The following HDLBP variants were observed in gnomAD, a reference collection of about 807,000 sequenced individuals.
The protein encoded by HDLBP is high density lipoprotein binding protein, also known as vigilin.
HDLBP carries 30 observed loss-of-function variants against 137.3 expected under a neutral mutation model. The ratio of observed to expected loss-of-function variants is 0.22; its 90% CI spans 0.16 to 0.30. The LOEUF is 0.30. Ranked by LOEUF, HDLBP falls within the 10% of genes least tolerant of loss-of-function variation. The probability of loss-of-function intolerance (pLI) is 1.00; values close to 1 mark genes in which losing one functional copy is unlikely to be tolerated. For synonymous variants in HDLBP, 606 were observed against 596.0 expected, an observed-to-expected ratio of 1.02 and a Z score of -0.24; for missense variants, 1,119 against 1,667.3, an observed-to-expected ratio of 0.67 and a Z score of 5.73.
intron 2 of HDLBP, 145 bp downstream of exon 2, chr2:241,268,332 A>T: frequency 3.2e-6 from 1 of 308,796 alleles, no homozygotes; most frequent in Non-Finnish European, 4.7e-6. Flanking sequence ...GAAGCTATGG[A>T]GACATCTCTG....
intron 12 of HDLBP, chr2:241,249,455 C>A: frequency 6.2e-6 from 3 of 484,800 alleles, no homozygotes; most frequent in South Asian, 4.6e-5. Flanking sequence ...GAGCAACAGC[C>A]CCCACTTCAG....
At chr2:241,236,410 C>T (rs768856644) in intron 21 of HDLBP, 13 of 597,988 alleles carry the variant, frequency 2.2e-5, no homozygotes, top group South Asian at 4.0e-5. Context: ...TATAGAACCC[C>T]GAGCCTTGGT....
At chr2:241,250,029 C>T (rs962506038) in intron 11 of HDLBP, 49 bp from the exon 12 acceptor site, 2 of 1,547,362 alleles carry the variant, frequency 1.3e-6, no homozygotes, top group Non-Finnish European at 1.7e-6. Context: ...CAACAACATT[C>T]TGCCAATGAC....
At chr2:241,259,032 A>G (rs2149499702) in intron 5 of HDLBP, among the ~76,000 whole-genome samples, 1 of 152,346 alleles carries the variant, frequency 6.6e-6, no homozygotes, top group Middle Eastern at 3.4e-3. Flanking sequence ...TGCTACTGTA[A>G]CATAATTTGT....
Position 241,242,714 on chromosome 2 carries a change from A to G in HDLBP, c.1951-36T>C, listed in dbSNP as rs763197207. 1.9e-5 allele frequency: 29 copies of G among 1,562,262 alleles called. 1 individual carries two copies. In the South Asian group the frequency reaches 3.3e-4, roughly 18 times the overall value. On this transcript the variant is annotated intron_variant, in intron 16 of 27. Transcript: ENST00000310931. ...ACACAGGGCAGGAGGAGGAAGTCACATTTTTGTGGCAAAAAGGGCAGAGGA... is the reference window on the plus strand; with the variant it reads ...ACACAGGGCAGGAGGAGGAAGTCACGTTTTTGTGGCAAAAAGGGCAGAGGA...
intron 20 of HDLBP, 140 bp from the exon 21 acceptor site, chr2:241,236,909 G>A: frequency 1.3e-6 from 1 of 776,370 alleles, no homozygotes; most frequent in Non-Finnish European, 2.0e-6. Flanking sequence ...CCTTCAGGAG[G>A]TCTTGGTCTG....
intron 1 of HDLBP, chr2:241,269,535 A>G (rs1337851319): frequency 6.6e-6 from 1 of 152,178 alleles, no homozygotes; most frequent in Non-Finnish European, 1.5e-5. Flanking sequence ...AAAACTCTAA[A>G]TACAGGGCTT....
intron 22 of HDLBP, 105 bp from the exon 23 acceptor site, chr2:241,235,360 G>C: frequency 6.5e-7 from 1 of 1,545,234 alleles, no homozygotes; most frequent in Non-Finnish European, 8.9e-7. Context: ...CACCCGCCGT[G>C]AAGGGAAGTC....
At chr2:241,302,296 G>T (rs148568883) in intron 1 of HDLBP, among the ~76,000 whole-genome samples, 3 of 152,164 alleles carry the variant, frequency 2.0e-5, no homozygotes, top group African/African-American at 7.2e-5. Flanking sequence ...GTTCACACCT[G>T]TAATCCCAGC....
At chr2:241,315,152 CT>C (rs1274672174) in intron 1 of HDLBP, 4 of 152,276 alleles carry the variant, frequency 2.6e-5, no homozygotes, top group Admixed American at 6.5e-5. Flanking sequence ...CAGCTCCGCC[CT>C]CCCCCGCGGG....
At chr2:241,300,029 G>A (rs760495514) in intron 1 of HDLBP, among the ~76,000 whole-genome samples, 1 of 152,308 alleles carries the variant, frequency 6.6e-6, no homozygotes, top group Middle Eastern at 3.4e-3. Flanking sequence ...CGATTCTAAA[G>A]TCTGTCACCC....
chr2:241,306,534 C>T (rs1462104157), intron 1 of HDLBP, among the ~76,000 whole-genome samples: 1 of 152,108 alleles, frequency 6.6e-6, no homozygotes, highest in South Asian at 2.1e-4. Context: ...GCTGGGACTA[C>T]AGGCGTGAGC....
intron 21 of HDLBP, chr2:241,235,998 A>C: frequency 5.0e-6 from 1 of 199,872 alleles, no homozygotes; most frequent in Non-Finnish European, 1.0e-5. Context: ...GGCTTTGGCT[A>C]ATGCCCACGA....
intron 4 of HDLBP, among the ~76,000 whole-genome samples, chr2:241,263,716 T>C (rs373195604): frequency 1.3e-5 from 2 of 152,010 alleles, no homozygotes; most frequent in African/African-American, 4.8e-5. Context: ...CTCACTAACA[T>C]CTCAAATTCA....
At chr2:241,280,591 A>G (rs563221380) in intron 1 of HDLBP, among the ~76,000 whole-genome samples, 1 of 152,324 alleles carries the variant, frequency 6.6e-6, no homozygotes, top group South Asian at 2.1e-4. Context: ...ATTTCTAGGT[A>G]AGGTGAAAAT....
rs774153181 is a variant in HDLBP, at chr2:241,230,730, C to G, written c.3474+29G>C. 5 of 1,606,854 alleles carry G rather than the reference C, an allele frequency of 3.1e-6. No homozygotes were observed. Among genetic ancestry groups the G allele is most frequent in the South Asian group, 1.1e-5 (1 of 90,680 alleles). On this transcript the variant is annotated intron_variant, in intron 25 of 27. Transcript: ENST00000310931. The surrounding 1 kb of genome is among the most constrained non-coding windows in gnomAD (Gnocchi z 5.0). ...CAGGTGCCCCCGGTGAGAGAGGATT[C>G]TCACCCACTGTGCTTCCAGCCGGCT...
intron 2 of HDLBP, chr2:241,267,540 G>T: frequency 6.6e-7 from 1 of 1,522,534 alleles, no homozygotes; most frequent in Non-Finnish European, 8.8e-7. Context: ...TCTCCTAACA[G>T]CGACCTTGGT....
rs139086301 is a variant in HDLBP at position 241,256,364 on chromosome 2, C to T, written c.693G>A (p.Lys231=). The change falls in exon 7 of 28, where the codon AAG becomes AAA. Residue 231 remains lysine (K), a synonymous_variant. Transcript: ENST00000310931. ...GCCCAGCGATGAAGGGGTGGAATGC[C>T]TTTTCTACTTCTAGCCTCTCCACAG... The part of the protein sequence containing the change: ...KRAVERLEVE[K]AFHPFIAGPY... 6.7e-5 allele frequency: 108 copies of T among 1,613,178 alleles called. No homozygotes were observed. The South Asian group carries it at 6.9e-4, about 10-fold the overall frequency.
intron 1 of HDLBP, chr2:241,273,456 C>T (rs1450713922): frequency 6.4e-6 from 3 of 466,340 alleles, no homozygotes; most frequent in Non-Finnish European, 8.4e-6. Context: ...GGCCTCTGAG[C>T]CCACGGTGGA....
Sources: gnomAD v4.1 joint callset for allele counts (sites outside exome capture counted in the v4.1 genomes callset) on GRCh38, gnomAD v4.1.1 for gene constraint, Gnocchi (gnomAD v3.1) non-coding constraint, MANE v1.5 for transcripts, NCBI Gene and HGNC (gene_info 2026-07-23, HGNC 2026-07-21) for gene names.